PRRC2A: variants seen among roughly 807,000 people sequenced by gnomAD.
The protein encoded by PRRC2A is proline rich coiled-coil 2A.
A neutral mutation model predicts 224.6 loss-of-function variants in PRRC2A; 59 were observed. The observed-to-expected ratio is 0.26, with a 90% CI of 0.21 to 0.33. The LOEUF (loss-of-function observed/expected upper bound fraction) is 0.33. Among genes scored for constraint, PRRC2A ranks in the 10% least tolerant of loss-of-function variants. The probability of loss-of-function intolerance (pLI) is 1.00; values close to 1 mark genes in which losing one functional copy is unlikely to be tolerated. For missense variants in PRRC2A, 3,095 were observed against 2,880.7 expected (o/e 1.07, Z -1.70); for synonymous variants, 1,194 against 1,109.5 (o/e 1.08, Z -1.51).
In PRRC2A at chr6:31,634,744, T is replaced by C. The variant is rs1403543897; in HGVS notation, c.4936-9T>C. ...CTGACTTAACTAGCTCCTTCTCCACTCCTCTCAGATGAGTCAGTCTGACAG... is the reference window on the plus strand; with the variant it reads ...CTGACTTAACTAGCTCCTTCTCCACCCCTCTCAGATGAGTCAGTCTGACAG... On this transcript the variant is annotated splice_polypyrimidine_tract_variant and intron_variant, in intron 20 of 30. Transcript: ENST00000376033. The C allele has an allele frequency of 6.2e-7, 1 of 1,610,758 alleles. No individual in the cohort carries two copies. Among genetic ancestry groups the C allele is most frequent in the African/African-American group, 1.3e-5 (1 of 74,828 alleles).
intron 14 of PRRC2A, 78 bp from the exon 15 acceptor site, chr6:31,630,513 C>T (rs1464206821): frequency 1.0e-5 from 15 of 1,478,156 alleles, no homozygotes; most frequent in Middle Eastern, 3.6e-4. Context: ...CTGACTTGAC[C>T]GCGAGGGGAG....
rs1776063858 is a variant in PRRC2A, at chr6:31,627,661, G to A, written c.1291-104G>A. ...CAGAGAGATCAACCCCAAAGCCTGG[G>A]TCGTTGCATCCTGCAAGTAGCGACA... On this transcript the variant is annotated intron_variant, in intron 11 of 30. Coordinates refer to ENST00000376033, the MANE Select transcript of PRRC2A (RefSeq NM_004638.4). This position sits in a 1 kb window ranked among gnomAD's most constrained non-coding sequence, Gnocchi z 5.6. The A allele has an allele frequency of 1.4e-6, 2 of 1,413,984 alleles. No individual in the cohort carries two copies. Among genetic ancestry groups the A allele is most frequent in the Non-Finnish European group, 1.9e-6 (2 of 1,052,976 alleles). 87.6% of individuals were successfully genotyped at this position (1,413,984 alleles called of 1,614,324 possible). A position where few individuals can be genotyped will look rare whatever the true frequency, so the allele number is the denominator to read the frequency against.
chr6:31,632,876 A>T lies in PRRC2A; in HGVS notation c.4203A>T (p.Pro1401=). Residue 1401 remains proline (P), a synonymous_variant, in exon 16 of 31, where the codon CCA becomes CCT. Coordinates refer to ENST00000376033, the MANE Select transcript of PRRC2A (RefSeq NM_004638.4). The stretch of plus-strand genomic sequence containing the variant: ...AACGGCAGAATCGGCGCCCTGGCCC[A>T]GGGGGCAAGGCTGGCAGCAGTGGCA... The part of the protein sequence containing the change: ...GMERQNRRPG[P]GGKAGSSGSS... 1.2e-6 allele frequency: 2 copies of T among 1,613,008 alleles called. No individual in the cohort carries two copies. The highest frequency in any genetic ancestry group is 1.6e-4 in the Middle Eastern group (1 of 6,062).
In PRRC2A at chr6:31,632,939, G is replaced by A. The variant is rs146421007; in HGVS notation, c.4266G>A (p.Arg1422=). 5.1e-5 allele frequency: 82 copies of A among 1,611,580 alleles called. No homozygotes were observed. In the South Asian group the frequency reaches 7.5e-4, roughly 15 times the overall value. ...GAGGCGGTGGGGGTCCTGGAGGAAG[G>A]ACCGGGCCAGGACGAGGCGACAAGA... ...SGGGGGGPGG[R]TGPGRGDKRS... Residue 1422 remains arginine, a synonymous_variant, in exon 16 of 31, where the codon AGG becomes AGA. Coordinates refer to ENST00000376033, the MANE Select transcript of PRRC2A (RefSeq NM_004638.4).
Position 31,634,275 on chromosome 6 carries a change from T to C in PRRC2A, c.4759T>C (p.Ser1587Pro). Residue 1587 changes from serine to proline, a missense_variant, in exon 19 of 31, where the codon TCT (serine) becomes CCT (proline). Transcript: ENST00000376033. ...TCCTCATAGCTCTGGATTCTTGGGCTCTAAGCCTGAGGGCCCAGGCCCTCA... is the reference window on the plus strand; with the variant it reads ...TCCTCATAGCTCTGGATTCTTGGGCCCTAAGCCTGAGGGCCCAGGCCCTCA... ...PPPHSSGFLG[S>P]KPEGPGPQAE... 3.1e-6 allele frequency: 5 copies of C among 1,602,132 alleles called. No individual in the cohort carries two copies. Among genetic ancestry groups the C allele is most frequent in the Non-Finnish European group, 4.2e-6 (5 of 1,177,468 alleles).
intron 1 of PRRC2A, among the ~76,000 whole-genome samples, chr6:31,621,441 CG>C (rs1561787319): frequency 6.6e-6 from 1 of 152,052 alleles, no homozygotes; most frequent in African/African-American, 2.4e-5. Context: ...CCCCCAACCC[CG>C]TTTTTCTTCT....
Position 31,631,058 on chromosome 6 carries a change from A to G in PRRC2A, c.2466-81A>G. The stretch of plus-strand genomic sequence containing the variant: ...AGAAAAATAGTAAAAGAGAGTCTGC[A>G]TCATAATAAAGTGTTCTTTTCCCAC... On this transcript the variant is annotated intron_variant, in intron 15 of 30. Coordinates refer to ENST00000376033, the MANE Select transcript of PRRC2A (RefSeq NM_004638.4). The surrounding 1 kb of genome is among the most constrained non-coding windows in gnomAD (Gnocchi z 4.5). 3.0e-6 allele frequency: 4 copies of G among 1,355,702 alleles called. No homozygotes were observed. Among genetic ancestry groups the G allele is most frequent in the Non-Finnish European group, 4.0e-6 (4 of 994,080 alleles). 84.0% of individuals were successfully genotyped at this position (1,355,702 alleles called of 1,614,324 possible).
chr6:31,635,289 TCTGGGTATC>T lies in PRRC2A; in HGVS notation c.5301+21_5301+29del. 1 of 1,613,914 alleles carries T rather than the reference TCTGGGTATC, an allele frequency of 6.2e-7. No homozygotes were observed. On this transcript the variant is annotated intron_variant, in intron 22 of 30. Coordinates refer to ENST00000376033, the MANE Select transcript of PRRC2A (RefSeq NM_004638.4). The stretch of plus-strand genomic sequence containing the variant: ...AGTGACAAGGTCTGTGTGGGCTGGA[TCTGGGTATC>T]CTGAGTTGGGTGGAGAGAAGGGAAG...
intron 13 of PRRC2A, 107 bp downstream of exon 13, chr6:31,629,441 G>A (rs1776284894): frequency 6.9e-6 from 10 of 1,459,790 alleles, no homozygotes; most frequent in Non-Finnish European, 9.4e-6. Context: ...TTGTCCAGTT[G>A]TCTCCATTGT....
rs775212821 is a variant in PRRC2A, at chr6:31,632,454, A to G, written c.3781A>G (p.Lys1261Glu). ...QDKPPRFRRL[K>E]QERENAARGS... ...TAAACCGCCTCGTTTCCGGAGGCTG[A>G]AGCAGGAACGGGAGAATGCCGCAAG... Residue 1261 changes from lysine to glutamate, a missense_variant, in exon 16 of 31, where the codon AAG (lysine) becomes GAG (glutamate). Lys to Glu is a moderately conservative substitution (Grantham distance 56). Around this residue, in one of 8 missense-constraint regions of PRRC2A, gnomAD observed 2,001 missense variants for 1,764.9 expected, o/e 1.13. Coordinates refer to ENST00000376033, the MANE Select transcript of PRRC2A (RefSeq NM_004638.4). 6.2e-7 allele frequency: 1 copy of G among 1,605,658 alleles called. No homozygotes were observed. The highest frequency in any genetic ancestry group is 1.1e-5 in the South Asian group (1 of 90,584).
chr6:31,637,370 A>G (rs1276608084), intron 30 of PRRC2A, 46 bp downstream of exon 30: 1 of 1,601,470 alleles, frequency 6.2e-7, no homozygotes, highest in Admixed American at 1.7e-5. Flanking sequence ...TCGAGTTGCC[A>G]CCTGATTTCC....
chr6:31,631,302 C>G lies in PRRC2A; in HGVS notation c.2629C>G (p.Gln877Glu). Residue 877 changes from glutamine (Q) to glutamate (E), a missense_variant, in exon 16 of 31, where the codon CAA becomes GAA. This residue lies in a region of PRRC2A where 2,001 missense variants were observed against 1,764.9 expected (regional missense o/e 1.13). Transcript: ENST00000376033. The surrounding 1 kb of genome is among the most constrained non-coding windows in gnomAD (Gnocchi z 4.5). ...AGGCAGTGATGAAGTGGCCAAGATA[C>G]AAACTCCACCACCCAAGAAGGAGCC... ...PPGSDEVAKI[Q>E]TPPPKKEPPK... The G allele has an allele frequency of 1.2e-6, 2 of 1,610,874 alleles. No individual in the cohort carries two copies. Among genetic ancestry groups the G allele is most frequent in the Non-Finnish European group, 1.7e-6 (2 of 1,179,106 alleles).
rs1380650229 is a variant in PRRC2A at position 31,623,862 on chromosome 6, A to G, written c.243A>G (p.Lys81=). 1 of 1,614,222 alleles carries G rather than the reference A, an allele frequency of 6.2e-7. No individual in the cohort carries two copies. The highest frequency in any genetic ancestry group is 8.5e-7 in the Non-Finnish European group (1 of 1,180,024). ...ACCCCAATGTCTCACTAGTGCCAAA[A>G]GACGGAACAGGATGGGCAAGCAAAC... ...GNDPNVSLVP[K]DGTGWASKQE... is the part of the protein sequence containing the mutation. The change falls in exon 3 of 31, where the codon AAA becomes AAG. Residue 81 remains lysine, a synonymous_variant. Coordinates refer to ENST00000376033, the MANE Select transcript of PRRC2A (RefSeq NM_004638.4).
At chr6:31,626,558 GA>G (rs74270834) in intron 9 of PRRC2A, among the ~76,000 whole-genome samples, 1,570 of 141,386 alleles carry the variant, frequency 0.011, 12 homozygotes, top group Non-Finnish European at 0.018. Context: ...CTTTTAAAAG[GA>G]AAAAAAAAAA....
At position 31,631,043 on chromosome 6, in the gene PRRC2A, TAA is replaced by T; in HGVS notation, c.2466-93_2466-92del. 1 of 1,326,508 alleles carries T rather than the reference TAA, an allele frequency of 7.5e-7. No individual in the cohort carries two copies. Among genetic ancestry groups the T allele is most frequent in the South Asian group, 1.4e-5 (1 of 70,444 alleles). 82.2% of individuals were successfully genotyped at this position (1,326,508 alleles called of 1,614,324 possible). ...TCTGCCAAAACAAACAGAAAAATAG[TAA>T]AAGAGAGTCTGCATCATAATAAAGT... On this transcript the variant is annotated intron_variant, in intron 15 of 30. Transcript: ENST00000376033. The surrounding 1 kb of genome is among the most constrained non-coding windows in gnomAD (Gnocchi z 4.5).
At chr6:31,634,095 A>G in intron 18 of PRRC2A, 106 bp downstream of exon 18, 2 of 1,573,440 alleles carry the variant, frequency 1.3e-6, no homozygotes, top group Non-Finnish European at 1.7e-6. Flanking sequence ...CTGTGTTTTT[A>G]CTCCAGAATT....
rs369114857 is a variant in PRRC2A, at chr6:31,622,765, A to G, written c.-25A>G. 4 of 1,596,312 alleles carry G rather than the reference A, an allele frequency of 2.5e-6. No individual in the cohort carries two copies. The highest frequency in any genetic ancestry group is 2.2e-5 in the East Asian group (1 of 44,834). On this transcript the variant is annotated 5_prime_UTR_variant, in exon 2 of 31. Transcript: ENST00000376033. ...TTGGGGGAGGTGCCTGCAGGACCCA[A>G]CATACTCAATGAGCTTCCAGCGCAA... is the stretch of plus-strand genomic sequence containing the variant.
In PRRC2A at chr6:31,628,170, G is replaced by A; in HGVS notation, c.1696G>A (p.Ala566Thr). Residue 566 changes from alanine to threonine, a missense_variant, in exon 12 of 31, where the codon GCT becomes ACT. Physicochemically the swap from Ala to Thr is moderately conservative, Grantham distance 58. This residue lies in a region of PRRC2A where 2,001 missense variants were observed against 1,764.9 expected (regional missense o/e 1.13). Coordinates refer to ENST00000376033, the MANE Select transcript of PRRC2A (RefSeq NM_004638.4). Reference protein sequence around the residue: ...QSTPTPGVAAAPTLVSGGGST... With the variant: ...QSTPTPGVAATPTLVSGGGST... ...TACTCCTACTCCAGGTGTGGCTGCG[G>A]CTCCCACTCTGGTGAGTGGTGGTGG... The A allele has an allele frequency of 3.1e-6, 5 of 1,613,046 alleles. No individual in the cohort carries two copies. The highest frequency in any genetic ancestry group is 3.4e-6 in the Non-Finnish European group (4 of 1,180,030).
intron 13 of PRRC2A, 55 bp from the exon 14 acceptor site, chr6:31,629,493 C>G (rs1776290886): frequency 7.0e-7 from 1 of 1,419,692 alleles, no homozygotes; most frequent in East Asian, 2.3e-5. Context: ...TTTGCTGATT[C>G]CTTTGTCCAT....
Sources: gnomAD v4.1 joint callset for allele counts (sites outside exome capture counted in the v4.1 genomes callset) on GRCh38, gnomAD v4.1.1 for gene constraint, gnomAD v4.1.1 regional missense constraint, Gnocchi (gnomAD v3.1) non-coding constraint, MANE v1.5 for transcripts, NCBI Gene and HGNC (gene_info 2026-07-23, HGNC 2026-07-21) for gene names.